Variants in ANK1 observed in about 807,000 individuals in gnomAD.
The protein encoded by ANK1 is ankyrin-1.
A neutral mutation model predicts 210.4 loss-of-function variants in ANK1; 51 were observed. The ratio of observed to expected loss-of-function variants is 0.24; its 90% CI spans 0.19 to 0.31. ANK1 has a LOEUF of 0.31. Ranked by LOEUF, ANK1 falls within the 10% of genes least tolerant of loss-of-function variation. The pLI is 1.00. For synonymous variants in ANK1, 967 were observed against 1,025.9 expected (o/e 0.94, Z 1.10); for missense variants, 2,051 against 2,504.4 (o/e 0.82, Z 3.86).
chr8:41,713,616 A>G (rs565473347), intron 16 of ANK1, among the ~76,000 whole-genome samples: 1 of 152,348 alleles, frequency 6.6e-6, no homozygotes, highest in South Asian at 2.1e-4. Context: ...TTTGGAGATG[A>G]TCATTCTCAT....
At chr8:41,690,811 G>A (rs557315086) in intron 31 of ANK1, among the ~76,000 whole-genome samples, 1 of 152,232 alleles carries the variant, frequency 6.6e-6, no homozygotes, top group East Asian at 1.9e-4. Flanking sequence ...AACAGATTTT[G>A]TAATATGTAG....
chr8:41,781,874 G>A (rs892591284), intron 1 of ANK1, among the ~76,000 whole-genome samples: 4 of 152,304 alleles, frequency 2.6e-5, no homozygotes, highest in Middle Eastern at 3.4e-3. Context: ...CTAGGAGAGG[G>A]TGGAGAGCAC....
chr8:41,865,385 G>A (rs1814201721), intron 1 of ANK1, among the ~76,000 whole-genome samples: 1 of 152,030 alleles, frequency 6.6e-6, no homozygotes, highest in Non-Finnish European at 1.5e-5. Context: ...ACATGTGGGT[G>A]CCCACCATGC....
At chr8:41,805,283 C>T (rs191744967) in intron 1 of ANK1, among the ~76,000 whole-genome samples, 34 of 151,776 alleles carry the variant, frequency 2.2e-4, no homozygotes, top group Non-Finnish European at 2.8e-4. Context: ...TGCTCTGTCA[C>T]CCAGGTAGGG....
rs141928382 is a variant in ANK1 at position 41,859,070 on chromosome 8, C to T, written c.126+37285G>A. 1.2e-4 allele frequency among the ~76,000 whole-genome samples: 19 copies of T among 152,338 alleles called. No homozygotes were observed. In the East Asian group the frequency reaches 3.5e-3, roughly 28 times the overall value. On this transcript the variant is annotated intron_variant, in intron 1 of 42. Transcript: ENST00000265709. ...GGAGAGCAGGGCCTCAGGAACAGGA[C>T]GCTGAAAGGGGTCAAGGGAATCGGG...
chr8:41,859,264 C>T (rs1812801535), intron 1 of ANK1, among the ~76,000 whole-genome samples: 1 of 152,250 alleles, frequency 6.6e-6, no homozygotes, highest in Non-Finnish European at 1.5e-5. Context: ...CGGGAAATTT[C>T]CCTGGGCTTG....
intron 2 of ANK1, among the ~76,000 whole-genome samples, chr8:41,743,288 A>G (rs1336312559): frequency 6.6e-6 from 1 of 152,226 alleles, no homozygotes; most frequent in Non-Finnish European, 1.5e-5. Context: ...GGCAAAGACC[A>G]TGGAGCCACA....
intron 1 of ANK1, among the ~76,000 whole-genome samples, chr8:41,805,359 C>T (rs6982135): frequency 0.028 from 4,192 of 152,140 alleles, 202 homozygotes; most frequent in African/African-American, 0.094. Context: ...CCTCCCACCT[C>T]AGCCTCGAAG....
chr8:41,774,579 TTAGTCC>T (rs1311069907), intron 1 of ANK1, among the ~76,000 whole-genome samples: 1 of 152,230 alleles, frequency 6.6e-6, no homozygotes, highest in Non-Finnish European at 1.5e-5. Flanking sequence ...ACAATCTCCA[TTAGTCC>T]TAAATTGCCA....
chr8:41,845,712 C>T (rs993594550), intron 1 of ANK1, among the ~76,000 whole-genome samples: 1 of 152,130 alleles, frequency 6.6e-6, no homozygotes, highest in Non-Finnish European at 1.5e-5. Flanking sequence ...TAAATTATGT[C>T]TCCTCACGAA....
At chr8:41,871,175 C>G (rs1415704526) in intron 1 of ANK1, among the ~76,000 whole-genome samples, 6 of 152,212 alleles carry the variant, frequency 3.9e-5, no homozygotes, top group African/African-American at 1.2e-4. Flanking sequence ...CCCATCGCCC[C>G]TGCATTGTTC....
At chr8:41,743,460 A>G (rs1325449170) in intron 2 of ANK1, among the ~76,000 whole-genome samples, 1 of 152,152 alleles carries the variant, frequency 6.6e-6, no homozygotes, top group African/African-American at 2.4e-5. Context: ...ACAGAAACGA[A>G]ATCAAAGCTG....
chr8:41,679,889 T>C (rs1309536260), intron 37 of ANK1, among the ~76,000 whole-genome samples: 1 of 152,120 alleles, frequency 6.6e-6, no homozygotes, highest in Non-Finnish European at 1.5e-5. Flanking sequence ...AATGGTAAAC[T>C]AGACAGCTGT....
intron 2 of ANK1, among the ~76,000 whole-genome samples, 178 bp downstream of exon 2, chr8:41,757,858 C>T (rs1031960199): frequency 6.6e-6 from 1 of 152,242 alleles, no homozygotes; most frequent in African/African-American, 2.4e-5. Flanking sequence ...CTCTGTGGGG[C>T]CCTGGGCCAC....
At chr8:41,743,896 C>T (rs1043863636) in intron 2 of ANK1, among the ~76,000 whole-genome samples, 3 of 152,122 alleles carry the variant, frequency 2.0e-5, no homozygotes, top group East Asian at 1.9e-4. Flanking sequence ...TATGACAACC[C>T]GGAGCAATGG....
chr8:41,757,161 C>T (rs1218997435), intron 2 of ANK1, among the ~76,000 whole-genome samples: 1 of 152,132 alleles, frequency 6.6e-6, no homozygotes. Context: ...TTGAACTGTA[C>T]GCCGAAAAAT....
At chr8:41,794,335 G>A (rs549810703) in intron 1 of ANK1, among the ~76,000 whole-genome samples, 33 of 152,164 alleles carry the variant, frequency 2.2e-4, no homozygotes, top group Admixed American at 6.5e-5. Flanking sequence ...CATGACACAC[G>A]CCTGCCTCAG....
chr8:41,749,138 A>C (rs768520943), intron 2 of ANK1, among the ~76,000 whole-genome samples: 24 of 152,218 alleles, frequency 1.6e-4, no homozygotes, highest in Non-Finnish European at 3.4e-4. Context: ...TTTTATCTGC[A>C]AGCTGGACCT....
At chr8:41,751,034 T>C (rs562804697) in intron 2 of ANK1, among the ~76,000 whole-genome samples, 1 of 152,158 alleles carries the variant, frequency 6.6e-6, no homozygotes, top group African/African-American at 2.4e-5. Flanking sequence ...ATCTGACAAT[T>C]GTAGGAATTC....
Sources: allele counts gnomAD v4.1 joint callset (sites outside exome capture counted in the v4.1 genomes callset), GRCh38; gene constraint gnomAD v4.1.1; transcripts MANE v1.5; gene names NCBI Gene and HGNC (gene_info 2026-07-23, HGNC 2026-07-21).